Variants in FUNDC2 observed in about 807,000 individuals in gnomAD.
The protein encoded by FUNDC2 is FUN14 domain containing 2, also known as FUN14 domain-containing protein 2.
In FUNDC2, 4 loss-of-function variants were observed where a neutral mutation model predicts 15.6. That is an observed-to-expected ratio of 0.26 (90% CI 0.13 to 0.59). The LOEUF (loss-of-function observed/expected upper bound fraction) is 0.59. Among genes scored for constraint, FUNDC2 ranks in the 20% least tolerant of loss-of-function variants. The pLI, the probability that FUNDC2 is intolerant of heterozygous loss-of-function variation, is 0.90. For synonymous variants in FUNDC2, 44 were observed against 56.9 expected, an observed-to-expected ratio of 0.77 and a Z score of 1.02; for missense variants, 98 against 149.7, an observed-to-expected ratio of 0.65 and a Z score of 1.80.
rs1264333598 is a variant in FUNDC2 at position 155,056,674 on chromosome X, GCTGCAGCCACTTTAC to G, written c.*2006_*2020del. The G allele has an allele frequency of 9.0e-6, 1 of 111,105 alleles. No homozygotes were observed. Among genetic ancestry groups the G allele is most frequent in the Non-Finnish European group, 1.9e-5 (1 of 52,992 alleles). 9.2% of individuals were successfully genotyped at this position (111,105 alleles called of 1,213,427 possible). A position where few individuals can be genotyped will look rare whatever the true frequency, so the allele number is the denominator to read the frequency against. On this transcript the variant is annotated 3_prime_UTR_variant, in exon 5 of 5. Coordinates refer to ENST00000369498, the MANE Select transcript of FUNDC2 (RefSeq NM_023934.4). ...GGTTATGCCATATATGGTGATAGTG[GCTGCAGCCACTTTAC>G]CTGTGTGACTTACCCACAGCAATGG...
At position 155,057,174 on chromosome X, in the gene FUNDC2, G is replaced by T. The variant is rs782188865; in HGVS notation, c.*2502G>T. ...TTGTTTTCAGTTTAGCTGAACCATCGGTGAAGGAGGCTCAGGCATTTGGGG... is the reference window on the plus strand; with the variant it reads ...TTGTTTTCAGTTTAGCTGAACCATCTGTGAAGGAGGCTCAGGCATTTGGGG... On this transcript the variant is annotated 3_prime_UTR_variant, in exon 5 of 5. Coordinates refer to ENST00000369498, the MANE Select transcript of FUNDC2 (RefSeq NM_023934.4). 9.0e-6 allele frequency: 1 copy of T among 111,575 alleles called. No individual in the cohort carries two copies. The highest frequency in any genetic ancestry group is 1.9e-5 in the Non-Finnish European group (1 of 53,039). 9.2% of individuals were successfully genotyped at this position (111,575 alleles called of 1,213,427 possible). A position where few individuals can be genotyped will look rare whatever the true frequency, so the allele number is the denominator to read the frequency against.
In FUNDC2 at chrX:155,026,908, C is replaced by A; in HGVS notation, c.-31C>A. On this transcript the variant is annotated 5_prime_UTR_variant, in exon 1 of 5. Coordinates refer to ENST00000369498, the MANE Select transcript of FUNDC2 (RefSeq NM_023934.4). ...AGACTGCAAGCAGCCGCGGCGCGCC[C>A]GGCCCTCCCTCTTCCGCTGCCGCCG... 8.5e-7 allele frequency: 1 copy of A among 1,170,194 alleles called. No homozygotes were observed. The highest frequency in any genetic ancestry group is 1.9e-5 in the South Asian group (1 of 53,430).
intron 2 of FUNDC2, among the ~76,000 whole-genome samples, chrX:155,037,979 C>T (rs1390633585): frequency 9.1e-6 from 1 of 109,926 alleles, no homozygotes; most frequent in Non-Finnish European, 1.9e-5. Flanking sequence ...TTAATACCAG[C>T]ACTTTGGGAG....
Position 155,057,736 on chromosome X carries a change from G to C in FUNDC2, c.*3064G>C, listed in dbSNP as rs1002132692. The C allele has an allele frequency of 3.6e-5, 4 of 111,830 alleles. No individual in the cohort carries two copies. Among genetic ancestry groups the C allele is most frequent in the South Asian group, 7.6e-4 (2 of 2,648 alleles). The allele number at this position is 111,830 out of a possible 1,213,427, so 9.2% of individuals were successfully genotyped here. ...CCACTTTGAGCCACCCTTTGACCCAGCGTCTCTCCCGCAATGGGACCTGGT... is the reference window on the plus strand; with the variant it reads ...CCACTTTGAGCCACCCTTTGACCCACCGTCTCTCCCGCAATGGGACCTGGT... On this transcript the variant is annotated 3_prime_UTR_variant, in exon 5 of 5. Transcript: ENST00000369498.
At chrX:155,036,124 C>A (rs921541793) in intron 2 of FUNDC2, among the ~76,000 whole-genome samples, 10 of 112,136 alleles carry the variant, frequency 8.9e-5, no homozygotes, top group Non-Finnish European at 1.7e-4. Flanking sequence ...CATCTTACAT[C>A]TCCACCAGCA....
At chrX:155,039,698 A>G (rs1372198756) in intron 2 of FUNDC2, among the ~76,000 whole-genome samples, 2 of 111,725 alleles carry the variant, frequency 1.8e-5, no homozygotes, top group Non-Finnish European at 3.8e-5. Context: ...CCGTTGGTCT[A>G]TGTGTTTGTT....
Position 155,051,687 on chromosome X carries a change from G to A in FUNDC2, c.378G>A (p.Gly126=), listed in dbSNP as rs1557290505. The stretch of plus-strand genomic sequence containing the variant: ...TACTGTAGCTTGCAAACCATACTGG[G>A]TACATCAAAGTTGACTGGCAACGAG... ...FFLLQLANHT[G]YIKVDWQRVE... is the part of the protein sequence containing the mutation. Residue 126 remains glycine, a synonymous_variant, in exon 4 of 5, where the codon GGG becomes GGA. Coordinates refer to ENST00000369498, the MANE Select transcript of FUNDC2 (RefSeq NM_023934.4). 2 of 1,210,341 alleles carry A rather than the reference G, an allele frequency of 1.7e-6. No individual in the cohort carries two copies. Among genetic ancestry groups the A allele is most frequent in the Admixed American group, 2.2e-5 (1 of 46,060 alleles).
At chrX:155,032,111 G>C (rs1301179444) in intron 1 of FUNDC2, among the ~76,000 whole-genome samples, 1 of 109,048 alleles carries the variant, frequency 9.2e-6, no homozygotes, top group Non-Finnish European at 1.9e-5. Context: ...AAGTAGCTGT[G>C]ATTACAGGCG....
intron 2 of FUNDC2, 66 bp downstream of exon 2, chrX:155,033,619 T>C: frequency 9.5e-7 from 1 of 1,049,130 alleles, no homozygotes; most frequent in South Asian, 2.1e-5. Flanking sequence ...ATAGGTACCA[T>C]CATCTCCTTT....
At chrX:155,039,402 G>A (rs988533786) in intron 2 of FUNDC2, among the ~76,000 whole-genome samples, 6 of 111,499 alleles carry the variant, frequency 5.4e-5, no homozygotes, top group African/African-American at 1.3e-4. Context: ...TCTGCTTTTC[G>A]GGTCATATCC....
chrX:155,045,872 TAGAC>T (rs782308226), intron 2 of FUNDC2, among the ~76,000 whole-genome samples: 3 of 111,130 alleles, frequency 2.7e-5, no homozygotes, highest in Non-Finnish European at 5.7e-5. Flanking sequence ...GGCAGGAAGA[TAGAC>T]AGTAATAAAG....
intron 1 of FUNDC2, among the ~76,000 whole-genome samples, chrX:155,027,893 G>A (rs180759479): frequency 7.2e-4 from 80 of 111,756 alleles, no homozygotes; most frequent in African/African-American, 2.4e-3. Flanking sequence ...TCATGCTCAC[G>A]ATGAATGAAT....
In FUNDC2 at chrX:155,037,919, C is replaced by A. The variant is rs782578252; in HGVS notation, c.284+4366C>A. ...TACATTTAAGTTTATTTTTAAAATTCTTTTAATTGACTAGTAAAAATTGTA... is the reference window on the plus strand; with the variant it reads ...TACATTTAAGTTTATTTTTAAAATTATTTTAATTGACTAGTAAAAATTGTA... On this transcript the variant is annotated intron_variant, in intron 2 of 4. Coordinates refer to ENST00000369498, the MANE Select transcript of FUNDC2 (RefSeq NM_023934.4). Among the ~76,000 whole-genome samples, 9 of 110,762 alleles carry A rather than the reference C, an allele frequency of 8.1e-5. No homozygotes were observed. In the East Asian group the frequency reaches 1.1e-3, roughly 14 times the overall value.
At chrX:155,046,211 G>A (rs1193353182) in intron 2 of FUNDC2, among the ~76,000 whole-genome samples, 5 of 109,788 alleles carry the variant, frequency 4.6e-5, no homozygotes, top group Non-Finnish European at 9.5e-5. Context: ...CTACCTCACC[G>A]TCTTAACTAG....
rs782746041 is a variant in FUNDC2, at chrX:155,056,291, C to G, written c.*1619C>G. ...TATTGTGAAACAAATATCAAAATGT[C>G]ATTTTATCATATTTCAGTATGTATC... On this transcript the variant is annotated 3_prime_UTR_variant, in exon 5 of 5. Coordinates refer to ENST00000369498, the MANE Select transcript of FUNDC2 (RefSeq NM_023934.4). The G allele has an allele frequency of 1.4e-4, 16 of 111,556 alleles. No individual in the cohort carries two copies. Among genetic ancestry groups the G allele is most frequent in the Non-Finnish European group, 2.8e-4 (15 of 53,105 alleles). 9.2% of individuals were successfully genotyped at this position (111,556 alleles called of 1,213,427 possible).
At chrX:155,052,528 G>A (rs920719062) in intron 4 of FUNDC2, among the ~76,000 whole-genome samples, 13 of 112,178 alleles carry the variant, frequency 1.2e-4, no homozygotes, top group African/African-American at 3.6e-4. Context: ...CTGTAGCCTG[G>A]AGTGATGAGA....
In FUNDC2 at chrX:155,057,551, G is replaced by GT. The variant is rs1557291186; in HGVS notation, c.*2880dup. ...ATCGCCCCCTTGTGGCGGCGACGTG[G>GT]TAACACCGCACTCAAGGCTTCCAAC... is the stretch of plus-strand genomic sequence containing the variant. On this transcript the variant is annotated 3_prime_UTR_variant, in exon 5 of 5. Transcript: ENST00000369498. 2 of 111,486 alleles carry GT rather than the reference G, an allele frequency of 1.8e-5. No homozygotes were observed. Among genetic ancestry groups the GT allele is most frequent in the African/African-American group, 6.6e-5 (2 of 30,433 alleles). 9.2% of individuals were successfully genotyped at this position (111,486 alleles called of 1,213,427 possible). A position where few individuals can be genotyped will look rare whatever the true frequency, so the allele number is the denominator to read the frequency against.
chrX:155,031,023 A>T (rs1557288706), intron 1 of FUNDC2, among the ~76,000 whole-genome samples: 1 of 110,727 alleles, frequency 9.0e-6, no homozygotes, highest in Non-Finnish European at 1.9e-5. Context: ...TTTTTCTTTG[A>T]TTTTAAAGTA....
intron 2 of FUNDC2, among the ~76,000 whole-genome samples, chrX:155,035,441 T>C (rs1168380827): frequency 1.5e-4 from 17 of 111,945 alleles, no homozygotes; most frequent in Non-Finnish European, 2.3e-4. Context: ...AGTATAAAAT[T>C]TGATACATTT....
Sources: allele counts gnomAD v4.1 joint callset (sites outside exome capture counted in the v4.1 genomes callset), GRCh38; gene constraint gnomAD v4.1.1; transcripts MANE v1.5; gene names NCBI Gene and HGNC (gene_info 2026-07-23, HGNC 2026-07-21).